The following FXN variants were observed in gnomAD, a reference collection of about 807,000 sequenced individuals.
FXN encodes frataxin.
FXN carries 14 observed loss-of-function variants against 22.4 expected under a neutral mutation model. That is an observed-to-expected ratio of 0.62 (90% CI 0.41 to 0.98). FXN has a LOEUF of 0.98. FXN is among the 50% of genes least tolerant of loss of function. FXN has a pLI of 0.00. For missense variants in FXN, 267 were observed against 268.4 expected (o/e 0.99, Z 0.04); for synonymous variants, 120 against 114.1 (o/e 1.05, Z -0.33).
intron 3 of FXN, 31 bp downstream of exon 3, chr9:69,053,291 TC>T: frequency 3.7e-6 from 6 of 1,610,152 alleles, no homozygotes; most frequent in Non-Finnish European, 5.1e-6. Flanking sequence ...TTTTTCTGTT[TC>T]CCCCTCTAAG....
Position 69,075,586 on chromosome 9 carries a change from CAG to C in FXN, c.*2826_*2827del. 1 of 985,302 alleles carries C rather than the reference CAG, an allele frequency of 1.0e-6. No individual in the cohort carries two copies. The highest frequency in any genetic ancestry group is 1.2e-6 in the Non-Finnish European group (1 of 829,836). The allele number at this position is 985,302 out of a possible 1,614,324, so 61.0% of individuals were successfully genotyped here. A position where few individuals can be genotyped will look rare whatever the true frequency, so the allele number is the denominator to read the frequency against. The stretch of plus-strand genomic sequence containing the variant: ...GTGTGTACCAATAGCCTCCCCACCA[CAG>C]ACCCTGGGAGCATCGCCTCATTTAT... On this transcript the variant is annotated 3_prime_UTR_variant, in exon 5 of 5. Transcript: ENST00000484259.
chr9:69,039,460 C>G (rs564395274), intron 1 of FXN, among the ~76,000 whole-genome samples: 12 of 152,244 alleles, frequency 7.9e-5, no homozygotes, highest in Middle Eastern at 3.4e-3. Flanking sequence ...TCAGCAGAAC[C>G]AAGAATCCAC....
Position 69,075,470 on chromosome 9 carries a change from A to G in FXN, c.*2708A>G, listed in dbSNP as rs1244808841. The G allele has an allele frequency of 2.0e-5, 20 of 978,660 alleles. No individual in the cohort carries two copies. Among genetic ancestry groups the G allele is most frequent in the Non-Finnish European group, 2.3e-5 (19 of 824,226 alleles). 60.6% of individuals were successfully genotyped at this position (978,660 alleles called of 1,614,324 possible). On this transcript the variant is annotated 3_prime_UTR_variant, in exon 5 of 5. Transcript: ENST00000484259. ...GCCATACTCCGTCTCAAATAAATAA[A>G]TAAATAAATAAAGGGACTTCAAACA...
At chr9:69,049,374 A>C (rs1409679238) in intron 2 of FXN, among the ~76,000 whole-genome samples, 1 of 152,066 alleles carries the variant, frequency 6.6e-6, no homozygotes, top group Non-Finnish European at 1.5e-5. Flanking sequence ...ACTCTTTTTA[A>C]AGGACAGCTC....
rs1349085066 is a variant in FXN at position 69,035,949 on chromosome 9, T to C, written c.165+2T>C. The C allele has an allele frequency of 6.9e-7, 1 of 1,458,484 alleles. No individual in the cohort carries two copies. The highest frequency in any genetic ancestry group is 1.3e-5 in the South Asian group (1 of 77,144). 90.3% of individuals were successfully genotyped at this position (1,458,484 alleles called of 1,614,324 possible). On this transcript the variant is annotated splice_donor_variant, in intron 1 of 4. Coordinates refer to ENST00000484259, the MANE Select transcript of FXN (RefSeq NM_000144.5). LOFTEE classifies it high-confidence loss of function. Reference sequence around the variant, plus strand: ...GCGACCTGCACGCCCCGCCGCGCAGTAAGTATCCGCGCCGGGAACAGCCGC... The same window carrying C: ...GCGACCTGCACGCCCCGCCGCGCAGCAAGTATCCGCGCCGGGAACAGCCGC...
intron 3 of FXN, among the ~76,000 whole-genome samples, chr9:69,060,494 A>C (rs1003779042): frequency 1.3e-5 from 2 of 152,192 alleles, no homozygotes; most frequent in African/African-American, 4.8e-5. Flanking sequence ...CACACTCCCA[A>C]AATAGACTCA....
At chr9:69,050,834 G>A (rs530590398) in intron 2 of FXN, among the ~76,000 whole-genome samples, 135 of 150,672 alleles carry the variant, frequency 9.0e-4, no homozygotes, top group African/African-American at 3.1e-3. Flanking sequence ...AGGCTGGAGC[G>A]CAATGGCACG....
chr9:69,076,758 A>G lies in FXN; in HGVS notation c.*3996A>G. ...ATGAAAGTAATTTTAGTCCGTGTCC[A>G]GTTGGATTCTTGGCACATAGTTATC... On this transcript the variant is annotated 3_prime_UTR_variant, in exon 5 of 5. Coordinates refer to ENST00000484259, the MANE Select transcript of FXN (RefSeq NM_000144.5). 4.1e-6 allele frequency: 4 copies of G among 985,430 alleles called. No homozygotes were observed. Among genetic ancestry groups the G allele is most frequent in the Non-Finnish European group, 4.8e-6 (4 of 829,934 alleles). 61.0% of individuals were successfully genotyped at this position (985,430 alleles called of 1,614,324 possible).
At chr9:69,041,451 T>A (rs1831655229) in intron 1 of FXN, among the ~76,000 whole-genome samples, 1 of 152,220 alleles carries the variant, frequency 6.6e-6, no homozygotes, top group Non-Finnish European at 1.5e-5. Flanking sequence ...CAGTGTTCTG[T>A]TGTTACGATG....
At chr9:69,055,667 T>C (rs1045000503) in intron 3 of FXN, among the ~76,000 whole-genome samples, 2 of 151,790 alleles carry the variant, frequency 1.3e-5, no homozygotes, top group Admixed American at 1.3e-4. Flanking sequence ...CTAAGTTTTG[T>C]ATTTTTAGTA....
In FXN at chr9:69,064,921, T is replaced by C; in HGVS notation, c.385-17T>C. ...TGTTTTAATTTCTTTATGCTTTTTT[T>C]CCACCTAATCCCCTAGAGTGGTGTC... On this transcript the variant is annotated splice_polypyrimidine_tract_variant and intron_variant, in intron 3 of 4. Coordinates refer to ENST00000484259, the MANE Select transcript of FXN (RefSeq NM_000144.5). 1 of 1,507,848 alleles carries C rather than the reference T, an allele frequency of 6.6e-7. No homozygotes were observed. The highest frequency in any genetic ancestry group is 9.2e-7 in the Non-Finnish European group (1 of 1,082,878). 93.4% of individuals were successfully genotyped at this position (1,507,848 alleles called of 1,614,324 possible). A position where few individuals can be genotyped will look rare whatever the true frequency, so the allele number is the denominator to read the frequency against.
intron 1 of FXN, among the ~76,000 whole-genome samples, chr9:69,045,935 A>G (rs1335439010): frequency 6.6e-6 from 1 of 152,218 alleles, no homozygotes; most frequent in Non-Finnish European, 1.5e-5. Flanking sequence ...GCAGTGGCCA[A>G]GTGGGCATGC....
intron 4 of FXN, among the ~76,000 whole-genome samples, chr9:69,067,259 G>A (rs888503664): frequency 1.3e-5 from 2 of 152,252 alleles, no homozygotes; most frequent in African/African-American, 4.8e-5. Context: ...CAGACTGCGG[G>A]GTTCCGGGGG....
Position 69,076,231 on chromosome 9 carries a change from T to TTAA in FXN, c.*3469_*3470insTAA, listed in dbSNP as rs59923017. The TTAA allele has an allele frequency of 4.4e-5, 42 of 957,264 alleles. No individual in the cohort carries two copies. Among genetic ancestry groups the TTAA allele is most frequent in the Admixed American group, 2.5e-4 (4 of 15,778 alleles). 59.3% of individuals were successfully genotyped at this position (957,264 alleles called of 1,614,324 possible). ...AGTGGCCTCATGTTTTTTTTTTTTT[T>TTAA]AATCTATAAAATGGAGATATCTAAC... is the stretch of plus-strand genomic sequence containing the variant. On this transcript the variant is annotated 3_prime_UTR_variant, in exon 5 of 5. Transcript: ENST00000484259.
At chr9:69,056,475 C>T (rs1831960763) in intron 3 of FXN, among the ~76,000 whole-genome samples, 1 of 152,174 alleles carries the variant, frequency 6.6e-6, no homozygotes, top group Non-Finnish European at 1.5e-5. Context: ...ACATGTATTA[C>T]AGGGCAACAA....
chr9:69,074,546 A>C lies in FXN; in HGVS notation c.*1784A>C. On this transcript the variant is annotated 3_prime_UTR_variant, in exon 5 of 5. Transcript: ENST00000484259. Reference sequence around the variant, plus strand: ...AAAAAAAAAAAAAGGAGGGTTTATTAATGAGAAGTTTGTATTAATATGTAG... The same window carrying C: ...AAAAAAAAAAAAAGGAGGGTTTATTCATGAGAAGTTTGTATTAATATGTAG... The C allele has an allele frequency of 1.0e-6, 1 of 984,754 alleles. No homozygotes were observed. The highest frequency in any genetic ancestry group is 4.7e-5 in the South Asian group (1 of 21,256). 61.0% of individuals were successfully genotyped at this position (984,754 alleles called of 1,614,324 possible).
chr9:69,064,924 A>ACCTAAT lies in FXN; in HGVS notation c.385-11_385-6dup. ...TTTAATTTCTTTATGCTTTTTTTCC[A>ACCTAAT]CCTAATCCCCTAGAGTGGTGTCTTA... is the stretch of plus-strand genomic sequence containing the variant. On this transcript the variant is annotated splice_polypyrimidine_tract_variant and intron_variant, in intron 3 of 4. Coordinates refer to ENST00000484259, the MANE Select transcript of FXN (RefSeq NM_000144.5). 6.5e-7 allele frequency: 1 copy of ACCTAAT among 1,539,630 alleles called. No individual in the cohort carries two copies. Among genetic ancestry groups the ACCTAAT allele is most frequent in the Non-Finnish European group, 9.0e-7 (1 of 1,112,042 alleles).
rs544093183 is a variant in FXN, at chr9:69,037,284, A to AAAAAG, written c.165+1339_165+1340insAAGAA. Among the ~76,000 whole-genome samples, 266 of 78,050 alleles carry AAAAAG rather than the reference A, an allele frequency of 3.4e-3. 3 individuals are homozygous for AAAAAG. Among genetic ancestry groups the AAAAAG allele is most frequent in the African/African-American group, 7.6e-3 (161 of 21,156 alleles). 51.2% of individuals were successfully genotyped at this position (78,050 alleles called of 152,430 possible). On this transcript the variant is annotated intron_variant, in intron 1 of 4. Coordinates refer to ENST00000484259, the MANE Select transcript of FXN (RefSeq NM_000144.5). ...ACTAAAAAATACAAAAAAAAAAAAA[A>AAAAAG]AAGAAGAAGAAGAAGAAGAAAATAA... is the stretch of plus-strand genomic sequence containing the variant.
Position 69,072,616 on chromosome 9 carries a change from C to G in FXN, c.487C>G (p.Pro163Ala). Residue 163 changes from proline to alanine, a missense_variant, in exon 5 of 5, where the codon CCT becomes GCT. Physicochemically the swap from Pro to Ala is conservative, Grantham distance 27. Transcript: ENST00000484259. ...TGCATTTGTTTTGTCTTCCAGTGGA[C>G]CTAAGCGTTATGACTGGACTGGGAA... ...QIWLSSPSSG[P>A]KRYDWTGKNW... is the part of the protein sequence containing the mutation. 6.2e-7 allele frequency: 1 copy of G among 1,614,034 alleles called. No individual in the cohort carries two copies. The highest frequency in any genetic ancestry group is 2.2e-5 in the East Asian group (1 of 44,888).
Sources: allele counts gnomAD v4.1 joint callset (sites outside exome capture counted in the v4.1 genomes callset), GRCh38; gene constraint gnomAD v4.1.1; transcripts MANE v1.5; gene names NCBI Gene and HGNC (gene_info 2026-07-23, HGNC 2026-07-21).